The following BBX variants were observed in gnomAD, a reference collection of about 807,000 sequenced individuals.
The protein encoded by BBX is BBX high mobility group box domain containing, also known as HMG box transcription factor BBX.
In BBX, 30 loss-of-function variants were observed where a neutral mutation model predicts 100.2. The ratio of observed to expected loss-of-function variants is 0.30; its 90% CI spans 0.22 to 0.41. The LOEUF is 0.41. Among genes scored for constraint, BBX ranks in the 10% least tolerant of loss-of-function variants. The pLI is 1.00. For missense variants in BBX, 1,023 were observed against 1,129.8 expected, an observed-to-expected ratio of 0.91 and a Z score of 1.35; for synonymous variants, 376 against 388.1, an observed-to-expected ratio of 0.97 and a Z score of 0.37.
chr3:107,554,761 A>G (rs1228307084), intron 2 of BBX, among the ~76,000 whole-genome samples: 2 of 151,734 alleles, frequency 1.3e-5, no homozygotes, highest in African/African-American at 2.4e-5. Flanking sequence ...CCTGAGTCCA[A>G]TGACATTTTA....
chr3:107,528,064 T>C (rs1348036973), intron 2 of BBX, among the ~76,000 whole-genome samples: 2 of 152,194 alleles, frequency 1.3e-5, no homozygotes, highest in Non-Finnish European at 2.9e-5. Context: ...GACTGCTTCA[T>C]TAAAACAATA....
intron 2 of BBX, among the ~76,000 whole-genome samples, chr3:107,548,715 A>G (rs542681138): frequency 2.0e-5 from 3 of 152,318 alleles, no homozygotes; most frequent in South Asian, 2.1e-4. Flanking sequence ...GCTGTTTACC[A>G]TAGCAAAGAC....
intron 3 of BBX, among the ~76,000 whole-genome samples, chr3:107,646,523 A>C (rs1460621929): frequency 6.6e-6 from 1 of 152,132 alleles, no homozygotes; most frequent in Non-Finnish European, 1.5e-5. Flanking sequence ...TTTAGGGGAA[A>C]AATTTTTTTA....
intron 4 of BBX, among the ~76,000 whole-genome samples, chr3:107,712,806 C>T (rs1224534225): frequency 6.6e-6 from 1 of 152,190 alleles, no homozygotes; most frequent in African/African-American, 2.4e-5. Context: ...TCACTGCTCT[C>T]TGTGCTCACT....
At chr3:107,700,011 A>G (rs1457290822) in intron 3 of BBX, among the ~76,000 whole-genome samples, 3 of 151,960 alleles carry the variant, frequency 2.0e-5, no homozygotes, top group African/African-American at 7.3e-5. Context: ...AACAAATGAC[A>G]CTATCAAGCA....
chr3:107,642,739 G>T (rs201225117), intron 2 of BBX, among the ~76,000 whole-genome samples: 1 of 152,000 alleles, frequency 6.6e-6, no homozygotes, highest in Non-Finnish European at 1.5e-5. Context: ...GGCTATTTTT[G>T]TTGTTGTTTT....
chr3:107,661,370 C>T lies in BBX; in HGVS notation c.-10+15461C>T, dbSNP rs369531845. Among the ~76,000 whole-genome samples the T allele has an allele frequency of 1.6e-3, 246 of 152,234 alleles. 7 individuals carry two copies. In the South Asian group the frequency reaches 0.049, roughly 31 times the overall value. The stretch of plus-strand genomic sequence containing the variant: ...GGGGGCCTCGATTATCATTCATTTG[C>T]TTGTGTCTTGGGCAAGTCACATTAC... On this transcript the variant is annotated intron_variant, in intron 3 of 17. Coordinates refer to ENST00000325805, the MANE Select transcript of BBX (RefSeq NM_001142568.3).
chr3:107,706,501 C>T (rs1374278525), intron 3 of BBX, among the ~76,000 whole-genome samples: 1 of 151,590 alleles, frequency 6.6e-6, no homozygotes, highest in Middle Eastern at 3.2e-3. Context: ...TGGTAGGGGG[C>T]TTTATATCAT....
intron 10 of BBX, among the ~76,000 whole-genome samples, chr3:107,771,859 C>T (rs1157177207): frequency 6.6e-6 from 1 of 151,990 alleles, no homozygotes; most frequent in Non-Finnish European, 1.5e-5. Flanking sequence ...TTCTGCTTTC[C>T]TCATTTCCCC....
chr3:107,768,043 C>A (rs1419818565), intron 10 of BBX, among the ~76,000 whole-genome samples: 1 of 152,336 alleles, frequency 6.6e-6, no homozygotes, highest in East Asian at 1.9e-4. Flanking sequence ...GCTTCAGTGT[C>A]ACTCTTTCCG....
intron 2 of BBX, among the ~76,000 whole-genome samples, chr3:107,553,449 G>A (rs534754549): frequency 9.9e-5 from 15 of 152,054 alleles, no homozygotes; most frequent in East Asian, 1.9e-4. Flanking sequence ...ACTTTCTCCC[G>A]TGCTCCCAAG....
At chr3:107,567,402 C>CT (rs1374754920) in intron 2 of BBX, among the ~76,000 whole-genome samples, 10 of 151,556 alleles carry the variant, frequency 6.6e-5, no homozygotes, top group African/African-American at 2.4e-4. Context: ...GTCTTTTTTT[C>CT]TTTATATATT....
At chr3:107,654,011 A>T (rs1484651693) in intron 3 of BBX, among the ~76,000 whole-genome samples, 1 of 152,176 alleles carries the variant, frequency 6.6e-6, no homozygotes, top group African/African-American at 2.4e-5. Flanking sequence ...TGCCTTCAAT[A>T]GAGTTTTTGA....
In BBX at chr3:107,810,906, C is replaced by T. The variant is rs112576336; in HGVS notation, c.*5449C>T. Reference sequence around the variant, plus strand: ...GTTGACAGTTTCAGCATGACTGAATCGCTCATTTTTTTTTTTTGCTTTCAG... The same window carrying T: ...GTTGACAGTTTCAGCATGACTGAATTGCTCATTTTTTTTTTTTGCTTTCAG... On this transcript the variant is annotated 3_prime_UTR_variant, in exon 18 of 18. Transcript: ENST00000325805. 1.4e-5 allele frequency: 2 copies of T among 144,152 alleles called. No homozygotes were observed. The highest frequency in any genetic ancestry group is 3.5e-4 in the East Asian group (1 of 2,886). 8.9% of individuals were successfully genotyped at this position (144,152 alleles called of 1,614,324 possible). A position where few individuals can be genotyped will look rare whatever the true frequency, so the allele number is the denominator to read the frequency against.
chr3:107,615,323 C>T (rs983239625), intron 2 of BBX, among the ~76,000 whole-genome samples: 2 of 152,102 alleles, frequency 1.3e-5, no homozygotes, highest in Non-Finnish European at 2.9e-5. Flanking sequence ...GTCCTAAGTC[C>T]GTTCAGGCTG....
At chr3:107,742,191 T>A (rs2064165033) in intron 7 of BBX, among the ~76,000 whole-genome samples, 1 of 152,204 alleles carries the variant, frequency 6.6e-6, no homozygotes, top group Admixed American at 6.5e-5. Flanking sequence ...CTATTCAATT[T>A]GTTTTAGACA....
chr3:107,612,793 A>T (rs1336859647), intron 2 of BBX, among the ~76,000 whole-genome samples: 10 of 152,202 alleles, frequency 6.6e-5, no homozygotes, highest in African/African-American at 2.4e-4. Context: ...CAGTCAGCAG[A>T]TAGTCAAGGC....
intron 2 of BBX, among the ~76,000 whole-genome samples, chr3:107,612,793 A>G (rs1336859647): frequency 6.6e-6 from 1 of 152,202 alleles, no homozygotes; most frequent in Non-Finnish European, 1.5e-5. Context: ...CAGTCAGCAG[A>G]TAGTCAAGGC....
intron 3 of BBX, among the ~76,000 whole-genome samples, chr3:107,692,007 GT>G (rs1399760149): frequency 1.3e-5 from 2 of 152,046 alleles, no homozygotes; most frequent in African/African-American, 2.4e-5. Context: ...TGTTACTTAA[GT>G]TATTCACCAT....
Sources: gnomAD v4.1 joint callset for allele counts (sites outside exome capture counted in the v4.1 genomes callset) on GRCh38, gnomAD v4.1.1 for gene constraint, MANE v1.5 for transcripts, NCBI Gene and HGNC (gene_info 2026-07-23, HGNC 2026-07-21) for gene names.